Variants in TRPM4 observed in about 807,000 individuals in gnomAD.
The protein encoded by TRPM4 is calcium-activated non-selective cation channel 1.
TRPM4 carries 124 observed loss-of-function variants against 135.6 expected under a neutral mutation model. The ratio of observed to expected loss-of-function variants is 0.91; its 90% CI spans 0.79 to 1.06. The LOEUF (loss-of-function observed/expected upper bound fraction) is 1.06. Among genes scored for constraint, TRPM4 ranks in the 50% least tolerant of loss-of-function variants. TRPM4 has a pLI of 0.00. For synonymous variants in TRPM4, 745 were observed against 705.6 expected (o/e 1.06, Z -0.88); for missense variants, 1,658 against 1,671.4 (o/e 0.99, Z 0.14).
At chr19:49,158,069 C>A (rs1343737652) in intron 1 of TRPM4, 123 bp from the exon 2 acceptor site, 14 of 1,285,846 alleles carry the variant, frequency 1.1e-5, no homozygotes, top group Admixed American at 1.7e-5. Flanking sequence ...AGCGGGAGGG[C>A]GCTGGGGGCC....
intron 20 of TRPM4, among the ~76,000 whole-genome samples, chr19:49,207,636 CAAAAAAAAAAA>C (rs34758808): frequency 2.6e-5 from 1 of 38,992 alleles, no homozygotes; most frequent in Non-Finnish European, 5.1e-5. Flanking sequence ...AACCTTGTCT[CAAAAAAAAAAA>C]AAAAAAAAAA....
rs1457432143 is a variant in TRPM4, at chr19:49,190,302, C to T, written c.2114C>T (p.Thr705Ile). ...LAFFCPPLIY[T>I]RLITFRKSEE... ...TTCTTTTGCCCTCCACTCATCTACA[C>T]CCGCCTCATCACCTTCAGGTCAGTA... The change falls in exon 15 of 25, where the codon ACC becomes ATC. Residue 705 changes from threonine (T) to isoleucine (I), a missense_variant. By Grantham distance (89) the Thr-to-Ile change is moderately conservative (BLOSUM62 -1). This residue lies in a region of TRPM4 where 1,412 missense variants were observed against 1,408.7 expected (regional missense o/e 1.00). Coordinates refer to ENST00000252826, the MANE Select transcript of TRPM4 (RefSeq NM_017636.4). 2 of 1,614,082 alleles carry T rather than the reference C, an allele frequency of 1.2e-6. No homozygotes were observed. Among genetic ancestry groups the T allele is most frequent in the African/African-American group, 1.3e-5 (1 of 74,946 alleles).
intron 10 of TRPM4, 70 bp downstream of exon 10, chr19:49,181,531 T>C: frequency 8.3e-6 from 1 of 119,994 alleles, no homozygotes; most frequent in Non-Finnish European, 1.3e-5. Context: ...CTCTGCCTTC[T>C]TTTTTTTTTT....
chr19:49,183,322 CG>C lies in TRPM4; in HGVS notation c.1743+111del, dbSNP rs1318486961. ...CCGACCCCTGACGTCACCTGACAGG[CG>C]CCCCATCCTCCGTCGCTGATATATG... On this transcript the variant is annotated intron_variant, in intron 12 of 24. Coordinates refer to ENST00000252826, the MANE Select transcript of TRPM4 (RefSeq NM_017636.4). The C allele has an allele frequency of 5.6e-6, 8 of 1,419,624 alleles. No individual in the cohort carries two copies. In the African/African-American group the frequency reaches 1.1e-4, roughly 20 times the overall value. 87.9% of individuals were successfully genotyped at this position (1,419,624 alleles called of 1,614,324 possible).
At chr19:49,209,330 G>A (rs59751132) in intron 20 of TRPM4, among the ~76,000 whole-genome samples, 8,473 of 152,236 alleles carry the variant, frequency 0.056, 701 homozygotes, top group African/African-American at 0.17. Context: ...ACGAATTTGA[G>A]AAACATCCTT....
chr19:49,188,624 C>T lies in TRPM4; in HGVS notation c.1744-17C>T, dbSNP rs762082322. ...TGAACCCTCTTTGACGCATCCGTGC[C>T]CTCTTTGTCTCTCCAGGGTTCCAAT... On this transcript the variant is annotated splice_polypyrimidine_tract_variant and intron_variant, in intron 12 of 24. Coordinates refer to ENST00000252826, the MANE Select transcript of TRPM4 (RefSeq NM_017636.4). The T allele has an allele frequency of 1.9e-6, 3 of 1,614,186 alleles. No homozygotes were observed. Among genetic ancestry groups the T allele is most frequent in the Non-Finnish European group, 2.5e-6 (3 of 1,180,038 alleles).
intron 12 of TRPM4, among the ~76,000 whole-genome samples, chr19:49,187,907 C>A (rs1326562296): frequency 6.6e-6 from 1 of 152,002 alleles, no homozygotes; most frequent in Non-Finnish European, 1.5e-5. Context: ...ACTGGTTGAG[C>A]CAGACTACAG....
In TRPM4 at chr19:49,210,683, G is replaced by A; in HGVS notation, c.3329-27G>A. The A allele has an allele frequency of 2.5e-6, 4 of 1,613,818 alleles. No individual in the cohort carries two copies. Among genetic ancestry groups the A allele is most frequent in the Non-Finnish European group, 3.4e-6 (4 of 1,179,998 alleles). ...GGGATTGGGAAGGGGCGTGGCCTGA[G>A]CCCTTTGACTCCGCCCGCCCCTGCA... is the stretch of plus-strand genomic sequence containing the variant. On this transcript the variant is annotated intron_variant, in intron 21 of 24. Coordinates refer to ENST00000252826, the MANE Select transcript of TRPM4 (RefSeq NM_017636.4). The surrounding 1 kb of genome is among the most constrained non-coding windows in gnomAD (Gnocchi z 4.1).
intron 2 of TRPM4, among the ~76,000 whole-genome samples, chr19:49,160,876 T>C (rs1966934985): frequency 6.6e-6 from 1 of 151,212 alleles, no homozygotes; most frequent in Admixed American, 6.6e-5. Flanking sequence ...GGGCAAAGAC[T>C]CAGGGGGCAG....
rs2122805580 is a variant in TRPM4, at chr19:49,168,273, C to T, written c.462C>T (p.Val154=). The T allele has an allele frequency of 6.2e-7, 1 of 1,614,154 alleles. No homozygotes were observed. Among genetic ancestry groups the T allele is most frequent in the Non-Finnish European group, 8.5e-7 (1 of 1,180,032 alleles). The part of the protein sequence containing the change: ...RAAQSTGAWI[V]TGGLHTGIGR... ...GCGTCTGTGTAGGAGCCTGGATTGT[C>T]ACTGGGGGTCTGCACACGGGCATCG... is the stretch of plus-strand genomic sequence containing the variant. Residue 154 remains valine, a synonymous_variant, in exon 5 of 25, where the codon GTC becomes GTT. Transcript: ENST00000252826.
chr19:49,166,218 G>T lies in TRPM4; in HGVS notation c.267+3G>T. ...GGGCCGGCCGCAAGCACAGCAATGT[G>T]AGGCGGGCCTCTGTGGGCGGGGCCC... On this transcript the variant is annotated splice_donor_region_variant and intron_variant, in intron 3 of 24. Coordinates refer to ENST00000252826, the MANE Select transcript of TRPM4 (RefSeq NM_017636.4). 1 of 1,598,598 alleles carries T rather than the reference G, an allele frequency of 6.3e-7. No individual in the cohort carries two copies. The highest frequency in any genetic ancestry group is 8.5e-7 in the Non-Finnish European group (1 of 1,173,878).
chr19:49,204,851 C>T (rs1008622606), intron 20 of TRPM4, among the ~76,000 whole-genome samples: 4 of 150,400 alleles, frequency 2.7e-5, no homozygotes, highest in African/African-American at 9.8e-5. Context: ...CGTGAGCCAC[C>T]GTGCCCAGCG....
rs759071711 is a variant in TRPM4, at chr19:49,189,110, A to G, written c.2019+19A>G. On this transcript the variant is annotated intron_variant, in intron 14 of 24. Coordinates refer to ENST00000252826, the MANE Select transcript of TRPM4 (RefSeq NM_017636.4). Reference sequence around the variant, plus strand: ...GGTACAGGTGAGTATCTGCGACACCAACATCCCAAACAGTCTCCAAGTGGA... The same window carrying G: ...GGTACAGGTGAGTATCTGCGACACCGACATCCCAAACAGTCTCCAAGTGGA... The G allele has an allele frequency of 1.2e-6, 2 of 1,613,930 alleles. No individual in the cohort carries two copies. Among genetic ancestry groups the G allele is most frequent in the East Asian group, 2.2e-5 (1 of 44,876 alleles).
rs558141632 is a variant in TRPM4 at position 49,164,441 on chromosome 19, G to A, written c.93-1600G>A. ...TTGTCTCCCAGGCTGGAGTACAATA[G>A]TGTGATGGCTCACTGCAACTTCTGC... On this transcript the variant is annotated intron_variant, in intron 2 of 24. Transcript: ENST00000252826. Among the ~76,000 whole-genome samples the A allele has an allele frequency of 4.3e-5, 5 of 117,366 alleles. No homozygotes were observed. In the South Asian group the frequency reaches 1.5e-3, roughly 35 times the overall value. The allele number at this position is 117,366 out of a possible 152,430, so 77.0% of individuals were successfully genotyped here.
chr19:49,158,274 C>A lies in TRPM4; in HGVS notation c.92+15C>A, dbSNP rs746991223. On this transcript the variant is annotated intron_variant, in intron 2 of 24. Transcript: ENST00000252826. ...ACAGATCCGGGGTGAGGAGTTCGCC[C>A]CTGGACTGACCCCAGAGGGTCCGCG... The A allele has an allele frequency of 1.2e-6, 2 of 1,612,802 alleles. No individual in the cohort carries two copies. Among genetic ancestry groups the A allele is most frequent in the Non-Finnish European group, 8.5e-7 (1 of 1,179,242 alleles).
intron 12 of TRPM4, among the ~76,000 whole-genome samples, chr19:49,184,232 G>C (rs528134406): frequency 6.6e-6 from 1 of 151,702 alleles, no homozygotes; most frequent in African/African-American, 2.4e-5. Flanking sequence ...ATTCTGTATG[G>C]TGTCTCGCAA....
intron 9 of TRPM4, among the ~76,000 whole-genome samples, chr19:49,178,561 T>G (rs949518892): frequency 6.6e-6 from 1 of 151,660 alleles, no homozygotes; most frequent in Non-Finnish European, 1.5e-5. Flanking sequence ...CGGGTCTGCC[T>G]TATTGATTGG....
At chr19:49,176,593 G>A (rs1404549721) in intron 9 of TRPM4, among the ~76,000 whole-genome samples, 2 of 152,126 alleles carry the variant, frequency 1.3e-5, no homozygotes, top group Non-Finnish European at 2.9e-5. Flanking sequence ...AGTGGCTCAC[G>A]CCTATAATCC....
Position 49,200,454 on chromosome 19 carries a change from A to G in TRPM4, c.2778+22A>G, listed in dbSNP as rs1479573941. 3.7e-6 allele frequency: 4 copies of G among 1,086,480 alleles called. No individual in the cohort carries two copies. In the African/African-American group the frequency reaches 7.4e-5, roughly 20 times the overall value. 67.3% of individuals were successfully genotyped at this position (1,086,480 alleles called of 1,614,324 possible). On this transcript the variant is annotated intron_variant, in intron 18 of 24. Coordinates refer to ENST00000252826, the MANE Select transcript of TRPM4 (RefSeq NM_017636.4). ...GATGGTGAGGCAGGGGCGGGGCCAAAGTGGGCGGGGACATAGGGAAAGGGG... is the reference window on the plus strand; with the variant it reads ...GATGGTGAGGCAGGGGCGGGGCCAAGGTGGGCGGGGACATAGGGAAAGGGG...
Sources: gnomAD v4.1 joint callset for allele counts (sites outside exome capture counted in the v4.1 genomes callset) on GRCh38, gnomAD v4.1.1 for gene constraint, gnomAD v4.1.1 regional missense constraint, Gnocchi (gnomAD v3.1) non-coding constraint, MANE v1.5 for transcripts, NCBI Gene and HGNC (gene_info 2026-07-23, HGNC 2026-07-21) for gene names.